TAX1BP1: variants seen among roughly 807,000 people sequenced by gnomAD.
TAX1BP1 encodes the protein tax1-binding protein 1.
TAX1BP1 carries 62 observed loss-of-function variants against 97.7 expected under a neutral mutation model. The ratio of observed to expected loss-of-function variants is 0.63; its 90% CI spans 0.52 to 0.78. TAX1BP1 has a LOEUF of 0.78. Among genes scored for constraint, TAX1BP1 ranks in the 30% least tolerant of loss-of-function variants. The probability of loss-of-function intolerance (pLI) is 0.00; values close to 1 mark genes in which losing one functional copy is unlikely to be tolerated. For synonymous variants in TAX1BP1, 340 were observed against 304.2 expected, an observed-to-expected ratio of 1.12 and a Z score of -1.23; for missense variants, 867 against 916.1, an observed-to-expected ratio of 0.95 and a Z score of 0.69.
chr7:27,817,155 G>A, intron 15 of TAX1BP1, 117 bp downstream of exon 15: 2 of 1,255,176 alleles, frequency 1.6e-6, no homozygotes, highest in Non-Finnish European at 1.1e-6. Context: ...TGTGTGGAAG[G>A]AGAGTGTGTG....
intron 1 of TAX1BP1, among the ~76,000 whole-genome samples, chr7:27,741,641 C>T (rs1188262516): frequency 6.6e-6 from 1 of 152,050 alleles, no homozygotes; most frequent in African/African-American, 2.4e-5. Context: ...CCTGGGATTA[C>T]AGGCGCGCAC....
At chr7:27,779,275 C>A (rs1789154488) in intron 5 of TAX1BP1, among the ~76,000 whole-genome samples, 1 of 152,174 alleles carries the variant, frequency 6.6e-6, no homozygotes, top group African/African-American at 2.4e-5. Flanking sequence ...CAGGTGTGCA[C>A]CACTGTGCTT....
At chr7:27,788,197 G>A (rs1789562964) in intron 8 of TAX1BP1, among the ~76,000 whole-genome samples, 1 of 152,046 alleles carries the variant, frequency 6.6e-6, no homozygotes, top group Admixed American at 6.5e-5. Context: ...CTAGATTCAG[G>A]TGAGACATTT....
chr7:27,826,828 G>A (rs56024856), intron 15 of TAX1BP1, among the ~76,000 whole-genome samples: 2,244 of 152,288 alleles, frequency 0.015, 51 homozygotes, highest in African/African-American at 0.051. Context: ...CTATAGCAGA[G>A]TTTTGAGGCT....
intron 1 of TAX1BP1, among the ~76,000 whole-genome samples, chr7:27,740,918 C>T (rs911116391): frequency 2.0e-5 from 3 of 152,170 alleles, no homozygotes; most frequent in African/African-American, 7.2e-5. Context: ...GTGGACTAGT[C>T]CCGACCGACT....
At chr7:27,780,053 T>A (rs540714466) in intron 5 of TAX1BP1, among the ~76,000 whole-genome samples, 1 of 152,304 alleles carries the variant, frequency 6.6e-6, no homozygotes, top group East Asian at 1.9e-4. Flanking sequence ...TGATATGTAG[T>A]TACTATGGTT....
intron 13 of TAX1BP1, among the ~76,000 whole-genome samples, chr7:27,811,952 A>G (rs918604779): frequency 6.6e-5 from 10 of 152,252 alleles, no homozygotes; most frequent in African/African-American, 2.4e-4. Context: ...TAATGCTGCT[A>G]TGAACATTCT....
intron 10 of TAX1BP1, 138 bp downstream of exon 10, chr7:27,793,350 G>T: frequency 1.3e-6 from 1 of 780,294 alleles, no homozygotes. Context: ...GCCAAATATT[G>T]TAATAACTCT....
At chr7:27,777,857 T>C (rs1789093601) in intron 5 of TAX1BP1, among the ~76,000 whole-genome samples, 1 of 152,226 alleles carries the variant, frequency 6.6e-6, no homozygotes, top group Non-Finnish European at 1.5e-5. Context: ...CACTGACCTT[T>C]TATCCTGATG....
chr7:27,759,232 C>T (rs893126807), intron 3 of TAX1BP1, among the ~76,000 whole-genome samples: 2 of 151,994 alleles, frequency 1.3e-5, no homozygotes, highest in African/African-American at 4.8e-5. Flanking sequence ...TAAAATATCA[C>T]AGTAACAAAT....
rs753901642 is a variant in TAX1BP1 at position 27,793,248 on chromosome 7, T to A, written c.1410+36T>A. ...TTAAATTTACACATAGTAAAATGTG[T>A]TGTTAGTATTTTTGTTCGAAAATCA... is the stretch of plus-strand genomic sequence containing the variant. On this transcript the variant is annotated intron_variant, in intron 10 of 16. Coordinates refer to ENST00000396319, the MANE Select transcript of TAX1BP1 (RefSeq NM_006024.7). 1.3e-5 allele frequency: 20 copies of A among 1,504,822 alleles called. No homozygotes were observed. The South Asian group carries it at 2.6e-4, about 20-fold the overall frequency. 93.2% of individuals were successfully genotyped at this position (1,504,822 alleles called of 1,614,324 possible).
rs993647574 is a variant in TAX1BP1, at chr7:27,765,199, A to G, written c.266-635A>G. On this transcript the variant is annotated intron_variant, in intron 3 of 16. Transcript: ENST00000396319. ...CCTGGCAAATTTTTGTATTTTTTGT[A>G]GTGACAGGGTTTCACCATGTTGGCC... Among the ~76,000 whole-genome samples the G allele has an allele frequency of 1.6e-4, 24 of 149,722 alleles. 1 individual carries two copies.
rs999220952 is a variant in TAX1BP1 at position 27,766,165 on chromosome 7, A to G, written c.453+144A>G. The G allele has an allele frequency of 2.8e-5, 22 of 783,460 alleles. No homozygotes were observed. The East Asian group carries it at 3.0e-4, about 11-fold the overall frequency. The allele number at this position is 783,460 out of a possible 1,614,324, so 48.5% of individuals were successfully genotyped here. A position where few individuals can be genotyped will look rare whatever the true frequency, so the allele number is the denominator to read the frequency against. On this transcript the variant is annotated intron_variant, in intron 4 of 16. Coordinates refer to ENST00000396319, the MANE Select transcript of TAX1BP1 (RefSeq NM_006024.7). The stretch of plus-strand genomic sequence containing the variant: ...GCTGGGCGCAGTGGCTCACGCCTGT[A>G]ATCCCGGCACTCTGGGAGGCCGAGG...
intron 8 of TAX1BP1, among the ~76,000 whole-genome samples, chr7:27,789,337 CA>C (rs2128317211): frequency 6.6e-6 from 1 of 151,906 alleles, no homozygotes; most frequent in Admixed American, 6.6e-5. Flanking sequence ...ATATGTAAAA[CA>C]GTTGCTTTGT....
intron 12 of TAX1BP1, among the ~76,000 whole-genome samples, chr7:27,797,083 C>T (rs536494033): frequency 2.1e-4 from 32 of 151,552 alleles, no homozygotes; most frequent in African/African-American, 3.4e-4. Flanking sequence ...CTGCAATCTC[C>T]GCCTCCTGGG....
intron 15 of TAX1BP1, among the ~76,000 whole-genome samples, chr7:27,820,431 A>T (rs1235458390): frequency 6.6e-6 from 1 of 152,188 alleles, no homozygotes; most frequent in African/African-American, 2.4e-5. Flanking sequence ...GAGAGAGTTG[A>T]GGGCTGTTTC....
chr7:27,751,475 C>T (rs1453757954), intron 2 of TAX1BP1, among the ~76,000 whole-genome samples: 2 of 151,922 alleles, frequency 1.3e-5, no homozygotes. Context: ...TGTATATATT[C>T]GTTGAACCAG....
At chr7:27,758,307 G>T (rs1207067168) in intron 3 of TAX1BP1, 174 bp downstream of exon 3, 10 of 398,802 alleles carry the variant, frequency 2.5e-5, no homozygotes, top group Admixed American at 4.2e-5. Context: ...TAGGCCACAT[G>T]ATATTTTATG....
At chr7:27,794,158 T>G (rs1342974173) in intron 10 of TAX1BP1, among the ~76,000 whole-genome samples, 165 bp from the exon 11 acceptor site, 1 of 152,238 alleles carries the variant, frequency 6.6e-6, no homozygotes, top group African/African-American at 2.4e-5. Flanking sequence ...AGCAAAATGA[T>G]GTGTATAACT....
Sources: allele counts gnomAD v4.1 joint callset (sites outside exome capture counted in the v4.1 genomes callset), GRCh38; gene constraint gnomAD v4.1.1; transcripts MANE v1.5; gene names NCBI Gene and HGNC (gene_info 2026-07-23, HGNC 2026-07-21).